The following TMPRSS11F variants were observed in gnomAD, a reference collection of about 807,000 sequenced individuals.
The protein encoded by TMPRSS11F is transmembrane protease serine 11F.
A neutral mutation model predicts 60.2 loss-of-function variants in TMPRSS11F; 47 were observed. The observed-to-expected ratio is 0.78, with a 90% CI of 0.62 to 1.00. TMPRSS11F has a LOEUF of 1.00. Ranked by LOEUF, TMPRSS11F falls within the 50% of genes least tolerant of loss-of-function variation. The pLI is 0.00. For synonymous variants in TMPRSS11F, 166 were observed against 167.3 expected (o/e 0.99, Z 0.06); for missense variants, 519 against 522.9 (o/e 0.99, Z 0.07).
In TMPRSS11F at chr4:68,072,448, A is replaced by G. The variant is rs774676600; in HGVS notation, c.389T>C (p.Ile130Thr). Reference sequence around the variant, plus strand: ...ACTATCAGTAGATGGGTATCGAAATATGAGCACTATAAGAATATCCACACC... The same window carrying G: ...ACTATCAGTAGATGGGTATCGAAATGTGAGCACTATAAGAATATCCACACC... ...EQGVDILIVL[I>T]FRYPSTDSAE... The change falls in exon 5 of 10, where the codon ATA (isoleucine) becomes ACA (threonine). Residue 130 changes from isoleucine to threonine, a missense_variant. Ile to Thr is a moderately conservative substitution (Grantham distance 89). Coordinates refer to ENST00000356291, the MANE Select transcript of TMPRSS11F (RefSeq NM_207407.2). The G allele has an allele frequency of 1.9e-6, 3 of 1,592,100 alleles. No homozygotes were observed. The highest frequency in any genetic ancestry group is 2.6e-6 in the Non-Finnish European group (3 of 1,166,982).
intron 1 of TMPRSS11F, among the ~76,000 whole-genome samples, chr4:68,101,345 C>T (rs2109873280): frequency 6.6e-6 from 1 of 152,076 alleles, no homozygotes; most frequent in Admixed American, 6.6e-5. Flanking sequence ...TGAGGTTTAC[C>T]CTAATTGTGG....
chr4:68,054,034 G>C lies in TMPRSS11F; in HGVS notation c.1192C>G (p.His398Asp). 1 of 1,613,192 alleles carries C rather than the reference G, an allele frequency of 6.2e-7. No homozygotes were observed. Among genetic ancestry groups the C allele is most frequent in the Non-Finnish European group, 8.5e-7 (1 of 1,179,398 alleles). Residue 398 changes from histidine (H) to aspartate (D), a missense_variant, in exon 10 of 10, where the codon CAT becomes GAT. His to Asp is a moderately conservative substitution (Grantham distance 81). Coordinates refer to ENST00000356291, the MANE Select transcript of TMPRSS11F (RefSeq NM_207407.2). ...DSGGPLVYDN[H>D]DIWYIVGIVS... Reference sequence around the variant, plus strand: ...ATACCTACAATGTACCAGATGTCATGATTATCATAAACCAGAGGTCCACCA... The same window carrying C: ...ATACCTACAATGTACCAGATGTCATCATTATCATAAACCAGAGGTCCACCA...
chr4:68,113,443 G>C (rs946196392), intron 1 of TMPRSS11F, among the ~76,000 whole-genome samples: 1 of 148,250 alleles, frequency 6.7e-6, no homozygotes, highest in Non-Finnish European at 1.5e-5. Context: ...TATCCGTGAA[G>C]TGCAGTAAAG....
intron 1 of TMPRSS11F, among the ~76,000 whole-genome samples, chr4:68,108,712 G>A (rs146002603): frequency 1.2e-3 from 177 of 152,278 alleles, no homozygotes; most frequent in Non-Finnish European, 2.1e-3. Context: ...GAACCAGCAT[G>A]CCATTTATTT....
At chr4:68,073,902 T>G in intron 4 of TMPRSS11F, 40 bp downstream of exon 4, 1 of 1,287,834 alleles carries the variant, frequency 7.8e-7, no homozygotes, top group Non-Finnish European at 1.1e-6. Context: ...TACCTCATCT[T>G]AACAGTATTA....
intron 8 of TMPRSS11F, 147 bp from the exon 9 acceptor site, chr4:68,059,615 T>G: frequency 1.3e-6 from 1 of 787,142 alleles, no homozygotes; most frequent in Non-Finnish European, 1.9e-6. Context: ...CATAAATGTC[T>G]ACATGCAAGG....
chr4:68,097,763 T>C (rs1393994862), intron 2 of TMPRSS11F, among the ~76,000 whole-genome samples: 4 of 152,066 alleles, frequency 2.6e-5, no homozygotes, highest in African/African-American at 4.8e-5. Flanking sequence ...AACAAAACTA[T>C]TTCATTACCT....
chr4:68,091,765 C>CTATCTATCTATCTATCTA (rs1290302918), intron 2 of TMPRSS11F, among the ~76,000 whole-genome samples: 1 of 114,536 alleles, frequency 8.7e-6, no homozygotes, highest in African/African-American at 3.4e-5. Flanking sequence ...CTCTCTCTCT[C>CTATCTATCTATCTATCTA]TCTCTCTCTC....
At chr4:68,056,644 C>T (rs967438155) in intron 9 of TMPRSS11F, among the ~76,000 whole-genome samples, 2 of 95,104 alleles carry the variant, frequency 2.1e-5, no homozygotes, top group Non-Finnish European at 4.4e-5. Context: ...GCAATCCCTA[C>T]CAAAATTCCA....
At chr4:68,105,014 G>C (rs1724274484) in intron 1 of TMPRSS11F, among the ~76,000 whole-genome samples, 1 of 142,074 alleles carries the variant, frequency 7.0e-6, no homozygotes, top group African/African-American at 2.6e-5. Flanking sequence ...GGTGATGCTG[G>C]CCTTGTAAAA....
intron 5 of TMPRSS11F, among the ~76,000 whole-genome samples, chr4:68,071,250 T>A (rs1364727529): frequency 6.6e-6 from 1 of 152,232 alleles, no homozygotes; most frequent in Non-Finnish European, 1.5e-5. Flanking sequence ...CCCTTATTTC[T>A]AATTACTTCT....
chr4:68,112,242 A>G lies in TMPRSS11F; in HGVS notation c.12-13204T>C, dbSNP rs111322278. 3.5e-3 allele frequency among the ~76,000 whole-genome samples: 537 copies of G among 152,210 alleles called. 8 individuals carry two copies. The highest frequency in any genetic ancestry group is 0.013 in the African/African-American group (520 of 41,530). On this transcript the variant is annotated intron_variant, in intron 1 of 9. Coordinates refer to ENST00000356291, the MANE Select transcript of TMPRSS11F (RefSeq NM_207407.2). ...CTGAACTGTCTTTGAGCCTTTGAAC[A>G]TGCCCCCACACTTAACTGATCGTGC...
At chr4:68,064,360 G>T (rs149746708) in intron 8 of TMPRSS11F, among the ~76,000 whole-genome samples, 5,422 of 151,616 alleles carry the variant, frequency 0.036, 274 homozygotes, top group African/African-American at 0.11. Context: ...AATTTTTTTT[G>T]TATTTTAGTA....
intron 1 of TMPRSS11F, among the ~76,000 whole-genome samples, chr4:68,107,036 T>C (rs1724316817): frequency 6.6e-6 from 1 of 151,742 alleles, no homozygotes; most frequent in African/African-American, 2.4e-5. Flanking sequence ...CAAGTAACAA[T>C]ACTAAACACT....
At chr4:68,126,691 C>T (rs1345330796) in intron 1 of TMPRSS11F, among the ~76,000 whole-genome samples, 1 of 152,010 alleles carries the variant, frequency 6.6e-6, no homozygotes, top group Non-Finnish European at 1.5e-5. Context: ...TTGGCACTAG[C>T]AATAAAGGGA....
chr4:68,069,720 T>C (rs1723409717), intron 6 of TMPRSS11F, among the ~76,000 whole-genome samples: 1 of 152,024 alleles, frequency 6.6e-6, no homozygotes, highest in Admixed American at 6.6e-5. Context: ...TAATATAATA[T>C]CTAGAATATT....
At chr4:68,089,591 G>T (rs180965778) in intron 3 of TMPRSS11F, among the ~76,000 whole-genome samples, 1 of 152,112 alleles carries the variant, frequency 6.6e-6, no homozygotes, top group African/African-American at 2.4e-5. Flanking sequence ...GGTAATAATT[G>T]TAAAAAACAA....
At chr4:68,084,040 C>A (rs1277661164) in intron 3 of TMPRSS11F, among the ~76,000 whole-genome samples, 2 of 151,956 alleles carry the variant, frequency 1.3e-5, no homozygotes, top group African/African-American at 4.8e-5. Context: ...ACAGTTGGAA[C>A]AACAGAATAG....
At chr4:68,078,087 A>C (rs1723622739) in intron 3 of TMPRSS11F, among the ~76,000 whole-genome samples, 1 of 152,094 alleles carries the variant, frequency 6.6e-6, no homozygotes, top group South Asian at 2.1e-4. Flanking sequence ...GAAGCGGTGG[A>C]TGGTCCCCTG....
Sources: allele counts gnomAD v4.1 joint callset (sites outside exome capture counted in the v4.1 genomes callset), GRCh38; gene constraint gnomAD v4.1.1; transcripts MANE v1.5; gene names NCBI Gene and HGNC (gene_info 2026-07-23, HGNC 2026-07-21).